MAPK10: variants seen among roughly 807,000 people sequenced by gnomAD.
The protein encoded by MAPK10 is JNK3 alpha protein kinase.
In MAPK10, 25 loss-of-function variants were observed where a neutral mutation model predicts 59.3. The ratio of observed to expected loss-of-function variants is 0.42; its 90% CI spans 0.31 to 0.59. The LOEUF is 0.59. MAPK10 is among the 20% of genes least tolerant of loss of function. The pLI, the probability that MAPK10 is intolerant of heterozygous loss-of-function variation, is 0.15. For synonymous variants in MAPK10, 190 were observed against 200.5 expected (o/e 0.95, Z 0.44); for missense variants, 351 against 568.9 (o/e 0.62, Z 3.90).
chr4:86,256,142 A>G (rs1382484910), intron 2 of MAPK10, among the ~76,000 whole-genome samples: 1 of 152,144 alleles, frequency 6.6e-6, no homozygotes, highest in Non-Finnish European at 1.5e-5. Flanking sequence ...CTTCTCCCAC[A>G]AGTAATTTTT....
intron 2 of MAPK10, among the ~76,000 whole-genome samples, chr4:86,290,858 A>G: frequency 6.6e-6 from 1 of 152,188 alleles, no homozygotes. Context: ...ACTAGTATGT[A>G]AAAGGAAGCA....
At chr4:86,098,481 G>C in intron 9 of MAPK10, 43 bp downstream of exon 9, 3 of 1,610,188 alleles carry the variant, frequency 1.9e-6, no homozygotes, top group South Asian at 2.2e-5. Flanking sequence ...AAAAGGGAGA[G>C]AGAACAAAAC....
At chr4:86,258,783 A>C (rs1355831386) in intron 2 of MAPK10, among the ~76,000 whole-genome samples, 1 of 152,070 alleles carries the variant, frequency 6.6e-6, no homozygotes. Context: ...AACCTCATTC[A>C]AGTCTTTGCT....
At chr4:86,107,496 A>T (rs548401856) in intron 4 of MAPK10, 144 bp from the exon 5 acceptor site, 1 of 1,341,118 alleles carries the variant, frequency 7.5e-7, no homozygotes, top group South Asian at 2.1e-5. Flanking sequence ...ATCAGGCTTT[A>T]AGTAAAGATA....
chr4:86,238,156 G>GT (rs2092423329), intron 2 of MAPK10, among the ~76,000 whole-genome samples: 3 of 152,104 alleles, frequency 2.0e-5, no homozygotes, highest in Non-Finnish European at 2.9e-5. Context: ...GATGGTTGTA[G>GT]GTGTGTAGTG....
chr4:86,421,847 C>T (rs113115791), intron 1 of MAPK10, among the ~76,000 whole-genome samples: 1,655 of 152,192 alleles, frequency 0.011, 11 homozygotes, highest in Non-Finnish European at 0.014. Context: ...TAAAATAAAG[C>T]CTGAATTCCT....
At chr4:86,058,578 C>T (rs1376683273) in intron 11 of MAPK10, among the ~76,000 whole-genome samples, 1 of 149,604 alleles carries the variant, frequency 6.7e-6, no homozygotes, top group Non-Finnish European at 1.5e-5. Flanking sequence ...ACTACCTGGG[C>T]TCCAGTAAAT....
chr4:86,257,002 G>T (rs575686685), intron 2 of MAPK10, among the ~76,000 whole-genome samples: 1 of 151,540 alleles, frequency 6.6e-6, no homozygotes, highest in East Asian at 1.9e-4. Context: ...CGCCCGCCTC[G>T]GCCTATACTC....
At chr4:86,483,544 A>G (rs1280840316) in intron 1 of MAPK10, among the ~76,000 whole-genome samples, 1 of 151,860 alleles carries the variant, frequency 6.6e-6, no homozygotes, top group Admixed American at 6.6e-5. Flanking sequence ...ACATCACGCT[A>G]TAATTAATAA....
upstream of MAPK10, among the ~76,000 whole-genome samples, chr4:86,364,274 G>A (rs780588433): frequency 3.3e-5 from 5 of 152,066 alleles, no homozygotes; most frequent in East Asian, 5.8e-4. Context: ...CCATAGGTGC[G>A]CGTCACCATG....
intron 3 of MAPK10, among the ~76,000 whole-genome samples, chr4:86,159,814 T>A (rs958156618): frequency 3.3e-5 from 5 of 152,026 alleles, no homozygotes; most frequent in African/African-American, 9.7e-5. Context: ...TCAGAGGTGA[T>A]ATTAGATCCT....
chr4:86,044,352 TG>T (rs2042127743), intron 11 of MAPK10, among the ~76,000 whole-genome samples: 2 of 152,128 alleles, frequency 1.3e-5, no homozygotes. Flanking sequence ...TCAGAGATTC[TG>T]ATTTAATTGT....
At chr4:86,044,103 C>G (rs2042080599) in intron 11 of MAPK10, among the ~76,000 whole-genome samples, 1 of 152,108 alleles carries the variant, frequency 6.6e-6, no homozygotes, top group African/African-American at 2.4e-5. Context: ...GCTGACGGGG[C>G]TCTTGAAATG....
chr4:86,455,786 C>G (rs1367816157), upstream of MAPK10, among the ~76,000 whole-genome samples: 14 of 152,152 alleles, frequency 9.2e-5, no homozygotes, highest in Admixed American at 9.2e-4. Context: ...TGGATTTAAA[C>G]TATGCACTGG....
intron 1 of MAPK10, among the ~76,000 whole-genome samples, chr4:86,400,802 T>C (rs1419884096): frequency 6.6e-6 from 1 of 152,156 alleles, no homozygotes; most frequent in Non-Finnish European, 1.5e-5. Context: ...ACGGCAAAAG[T>C]TCAAAGGCTT....
chr4:86,109,648 G>A (rs1182807880), intron 4 of MAPK10, among the ~76,000 whole-genome samples: 2 of 152,168 alleles, frequency 1.3e-5, no homozygotes, highest in African/African-American at 2.4e-5. Flanking sequence ...ATGGGCATTT[G>A]GGTTGATTCC....
At chr4:86,163,824 G>A (rs879515288) in intron 3 of MAPK10, among the ~76,000 whole-genome samples, 1 of 152,102 alleles carries the variant, frequency 6.6e-6, no homozygotes, top group Admixed American at 6.6e-5. Context: ...CAAAGGATGT[G>A]GAAGTTAAAA....
intron 1 of MAPK10, among the ~76,000 whole-genome samples, chr4:86,542,707 T>A (rs140658564): frequency 2.7e-4 from 41 of 152,320 alleles, no homozygotes; most frequent in African/African-American, 9.4e-4. Context: ...GATATATGTA[T>A]GAGAAGACAA....
chr4:86,214,541 A>G (rs1218902831), intron 2 of MAPK10, among the ~76,000 whole-genome samples: 1 of 144,952 alleles, frequency 6.9e-6, no homozygotes, highest in Non-Finnish European at 1.5e-5. Flanking sequence ...AAAAACTGTT[A>G]GAACTGATAA....
Sources: gnomAD v4.1 joint callset for allele counts (sites outside exome capture counted in the v4.1 genomes callset) on GRCh38, gnomAD v4.1.1 for gene constraint, MANE v1.5 for transcripts, NCBI Gene and HGNC (gene_info 2026-07-23, HGNC 2026-07-21) for gene names.